The following IMMP2L variants were observed in gnomAD, a reference collection of about 807,000 sequenced individuals.
IMMP2L encodes the protein inner mitochondrial membrane peptidase subunit 2.
IMMP2L carries 18 observed loss-of-function variants against 19.3 expected under a neutral mutation model. The observed-to-expected ratio is 0.93, with a 90% CI of 0.64 to 1.38. The LOEUF (loss-of-function observed/expected upper bound fraction) is 1.38. IMMP2L is among the 40% of genes most tolerant of loss of function. IMMP2L has a pLI of 0.00. For synonymous variants in IMMP2L, 76 were observed against 73.0 expected (o/e 1.04, Z -0.21); for missense variants, 233 against 218.2 (o/e 1.07, Z -0.43).
chr7:111,265,009 A>C (rs1431620603), intron 3 of IMMP2L, among the ~76,000 whole-genome samples: 1 of 152,200 alleles, frequency 6.6e-6, no homozygotes, highest in Non-Finnish European at 1.5e-5. Flanking sequence ...TGTTTAAAGC[A>C]AGCAAGCAAG....
At chr7:110,811,978 A>G (rs1802071504) in intron 5 of IMMP2L, among the ~76,000 whole-genome samples, 1 of 151,968 alleles carries the variant, frequency 6.6e-6, no homozygotes, top group South Asian at 2.1e-4. Context: ...TGCTACTTCT[A>G]CCTCTATTCT....
chr7:111,474,245 G>A (rs1168385608), intron 3 of IMMP2L, among the ~76,000 whole-genome samples: 4 of 151,908 alleles, frequency 2.6e-5, no homozygotes, highest in Non-Finnish European at 5.9e-5. Flanking sequence ...CTGGATGACG[G>A]GATCAATCAT....
intron 3 of IMMP2L, among the ~76,000 whole-genome samples, chr7:111,274,608 C>A (rs1699674635): frequency 6.6e-6 from 1 of 152,136 alleles, no homozygotes; most frequent in South Asian, 2.1e-4. Context: ...CTGTTCTTAA[C>A]AAGCATACTA....
chr7:111,299,573 G>GAAAAAAAAAAAA (rs71147472), intron 3 of IMMP2L, among the ~76,000 whole-genome samples: 1 of 118,664 alleles, frequency 8.4e-6, no homozygotes, highest in African/African-American at 3.0e-5. Flanking sequence ...AGCTGAAGCA[G>GAAAAAAAAAAAA]AAAAAAAAAA....
intron 5 of IMMP2L, among the ~76,000 whole-genome samples, chr7:110,841,370 CA>C (rs1456292801): frequency 6.8e-6 from 1 of 147,320 alleles, no homozygotes; most frequent in Non-Finnish European, 1.5e-5. Context: ...CAGATGAGAC[CA>C]AAAAAGGACA....
At chr7:111,442,045 G>T (rs1004888175) in intron 3 of IMMP2L, among the ~76,000 whole-genome samples, 8 of 151,856 alleles carry the variant, frequency 5.3e-5, no homozygotes, top group African/African-American at 1.9e-4. Context: ...GCTGAGGCAA[G>T]AGAATCGCTT....
intron 3 of IMMP2L, among the ~76,000 whole-genome samples, chr7:111,062,483 T>C (rs557230439): frequency 5.3e-4 from 81 of 152,208 alleles, no homozygotes; most frequent in African/African-American, 1.9e-3. Context: ...CTCCCAATTC[T>C]CATGTCTTCA....
intron 3 of IMMP2L, among the ~76,000 whole-genome samples, chr7:111,051,780 T>C (rs1793028096): frequency 6.6e-6 from 1 of 152,232 alleles, no homozygotes; most frequent in African/African-American, 2.4e-5. Flanking sequence ...ATTTGAAGAA[T>C]CATGATTGAT....
intron 4 of IMMP2L, among the ~76,000 whole-genome samples, chr7:110,948,637 A>C (rs555846655): frequency 3.7e-4 from 57 of 152,326 alleles, no homozygotes; most frequent in African/African-American, 1.4e-3. Flanking sequence ...GAGCTTTGTC[A>C]CTGCTCTCCA....
At chr7:111,219,686 C>G (rs1812316362) in intron 3 of IMMP2L, among the ~76,000 whole-genome samples, 1 of 151,934 alleles carries the variant, frequency 6.6e-6, no homozygotes, top group Admixed American at 6.6e-5. Flanking sequence ...ATTCTATGAT[C>G]TCAAATCACT....
At position 110,803,111 on chromosome 7, in the gene IMMP2L, C is replaced by T. The variant is rs1272242257; in HGVS notation, c.408+83482G>A. On this transcript the variant is annotated intron_variant, in intron 5 of 5. Coordinates refer to ENST00000405709, the MANE Select transcript of IMMP2L (RefSeq NM_032549.4). The surrounding 1 kb of genome is among the most constrained non-coding windows in gnomAD (Gnocchi z 4.2). ...TGAAATAGATGAGTTTGTGTCTTAG[C>T]CTTGAAGGATGTATAGGATTAGGAT... is the stretch of plus-strand genomic sequence containing the variant. 6.6e-6 allele frequency among the ~76,000 whole-genome samples: 1 copy of T among 151,942 alleles called. No homozygotes were observed. Among genetic ancestry groups the T allele is most frequent in the African/African-American group, 2.4e-5 (1 of 41,372 alleles).
At chr7:111,114,107 T>G (rs1214546031) in intron 3 of IMMP2L, among the ~76,000 whole-genome samples, 1 of 151,456 alleles carries the variant, frequency 6.6e-6, no homozygotes, top group Non-Finnish European at 1.5e-5. Flanking sequence ...AACTGAAGTC[T>G]CTCAACATAC....
intron 3 of IMMP2L, among the ~76,000 whole-genome samples, chr7:111,140,709 C>T (rs1375743308): frequency 6.6e-6 from 1 of 152,132 alleles, no homozygotes; most frequent in Non-Finnish European, 1.5e-5. Context: ...GAAAATATTT[C>T]CATCTGCCCC....
At chr7:111,134,667 T>C (rs982411787) in intron 3 of IMMP2L, among the ~76,000 whole-genome samples, 135 of 152,188 alleles carry the variant, frequency 8.9e-4, no homozygotes, top group African/African-American at 2.7e-3. Flanking sequence ...ATTATGAAAA[T>C]AGTTATTTTT....
intron 3 of IMMP2L, among the ~76,000 whole-genome samples, chr7:111,419,199 A>G (rs1274816066): frequency 6.6e-6 from 1 of 151,816 alleles, no homozygotes; most frequent in Non-Finnish European, 1.5e-5. Flanking sequence ...GGCAGACAAG[A>G]CTAAAAAATT....
At chr7:111,256,709 A>C (rs970241505) in intron 3 of IMMP2L, among the ~76,000 whole-genome samples, 5 of 152,098 alleles carry the variant, frequency 3.3e-5, no homozygotes, top group African/African-American at 1.2e-4. Flanking sequence ...CATAAGATTG[A>C]GTACCCCAAA....
In IMMP2L at chr7:110,766,581, TAAAAAAAAA is replaced by T. The variant is rs772192515; in HGVS notation, c.409-102869_409-102861del. Among the ~76,000 whole-genome samples, 7 of 96,802 alleles carry T rather than the reference TAAAAAAAAA, an allele frequency of 7.2e-5. No homozygotes were observed. The South Asian group carries it at 1.4e-3, about 19-fold the overall frequency. The allele number at this position is 96,802 out of a possible 152,430, so 63.5% of individuals were successfully genotyped here. A position where few individuals can be genotyped will look rare whatever the true frequency, so the allele number is the denominator to read the frequency against. On this transcript the variant is annotated intron_variant, in intron 5 of 5. Transcript: ENST00000405709. ...CTGTGTGACAGTGTGAGACTTCATT[TAAAAAAAAA>T]AAAAAAAAAAAAAAAAGATTTTTCA...
chr7:111,059,550 G>A (rs1793823530), intron 3 of IMMP2L, among the ~76,000 whole-genome samples: 1 of 152,066 alleles, frequency 6.6e-6, no homozygotes, highest in Admixed American at 6.6e-5. Context: ...CTTCATGAGG[G>A]GAGGGGTCTA....
At chr7:111,364,226 A>C (rs1362543857) in intron 3 of IMMP2L, among the ~76,000 whole-genome samples, 1 of 152,182 alleles carries the variant, frequency 6.6e-6, no homozygotes, top group Non-Finnish European at 1.5e-5. Flanking sequence ...ATTGTTAATC[A>C]TAAGAATTGT....
Sources: gnomAD v4.1 joint callset for allele counts (sites outside exome capture counted in the v4.1 genomes callset) on GRCh38, gnomAD v4.1.1 for gene constraint, Gnocchi (gnomAD v3.1) non-coding constraint, MANE v1.5 for transcripts, NCBI Gene and HGNC (gene_info 2026-07-23, HGNC 2026-07-21) for gene names.